The following ACSBG1 variants were observed in gnomAD, a reference collection of about 807,000 sequenced individuals.
The protein encoded by ACSBG1 is acyl-CoA synthetase bubblegum family member 1.
In ACSBG1, 39 loss-of-function variants were observed where a neutral mutation model predicts 80.2. The ratio of observed to expected loss-of-function variants is 0.49; its 90% CI spans 0.38 to 0.64. ACSBG1 has a LOEUF of 0.64. Among genes scored for constraint, ACSBG1 ranks in the 30% least tolerant of loss-of-function variants. ACSBG1 has a pLI of 0.00. For missense variants in ACSBG1, 828 were observed against 966.4 expected, an observed-to-expected ratio of 0.86 and a Z score of 1.90; for synonymous variants, 392 against 379.5, an observed-to-expected ratio of 1.03 and a Z score of -0.38.
At chr15:78,230,676 C>A (rs539744880) in intron 1 of ACSBG1, among the ~76,000 whole-genome samples, 1 of 152,156 alleles carries the variant, frequency 6.6e-6, no homozygotes, top group Non-Finnish European at 1.5e-5. Context: ...TACAGTAAGT[C>A]GCACAAGATC....
Position 78,168,877 on chromosome 15 carries a change from T to C in ACSBG1, c.*2567A>G, listed in dbSNP as rs1005204766. 1.6e-6 allele frequency: 2 copies of C among 1,272,828 alleles called. No homozygotes were observed. The highest frequency in any genetic ancestry group is 2.3e-6 in the Non-Finnish European group (2 of 878,338). The allele number at this position is 1,272,828 out of a possible 1,614,324, so 78.8% of individuals were successfully genotyped here. On this transcript the variant is annotated 3_prime_UTR_variant, in exon 14 of 14. Transcript: ENST00000258873. Reference sequence around the variant, plus strand: ...GCTTTAAAATCTCCTTGGTTTAGTTTAGTTTGCGGATACATCTTTTATTTT... The same window carrying C: ...GCTTTAAAATCTCCTTGGTTTAGTTCAGTTTGCGGATACATCTTTTATTTT...
intron 1 of ACSBG1, chr15:78,209,124 C>T (rs1184049043): frequency 2.2e-6 from 1 of 455,814 alleles, no homozygotes; most frequent in South Asian, 1.5e-5. Flanking sequence ...TGCCCAGTTC[C>T]CAGGAAGCCG....
intron 1 of ACSBG1, among the ~76,000 whole-genome samples, chr15:78,210,082 T>C (rs1053417015): frequency 1.3e-5 from 2 of 152,212 alleles, no homozygotes; most frequent in Non-Finnish European, 2.9e-5. Flanking sequence ...ATGAGGCTGT[T>C]GGCAGCACCT....
In ACSBG1 at chr15:78,182,441, C is replaced by T. The variant is rs200340104; in HGVS notation, c.894+25G>A. ...CACCCATAACCCCCTTGCACCCCCCCCACCCCACCGGGCATCTGTCCTACA... is the reference window on the plus strand; with the variant it reads ...CACCCATAACCCCCTTGCACCCCCCTCACCCCACCGGGCATCTGTCCTACA... On this transcript the variant is annotated intron_variant, in intron 7 of 13. Transcript: ENST00000258873. The T allele has an allele frequency of 1.5e-4, 234 of 1,612,322 alleles. 1 individual carries two copies. In the African/African-American group the frequency reaches 2.4e-3, roughly 17 times the overall value.
intron 1 of ACSBG1, among the ~76,000 whole-genome samples, chr15:78,232,668 A>T (rs1451213031): frequency 6.7e-6 from 1 of 148,956 alleles, no homozygotes. Flanking sequence ...TGCTCTGGGC[A>T]CATTTATTTC....
intron 1 of ACSBG1, among the ~76,000 whole-genome samples, chr15:78,228,080 A>G (rs1194934169): frequency 2.5e-4 from 38 of 152,222 alleles, no homozygotes; most frequent in Non-Finnish European, 2.9e-5. Context: ...TTCTTATTTT[A>G]CAGCTGCTCG....
intron 1 of ACSBG1, among the ~76,000 whole-genome samples, chr15:78,225,785 A>C (rs1180702416): frequency 6.6e-6 from 1 of 152,230 alleles, no homozygotes; most frequent in Non-Finnish European, 1.5e-5. Flanking sequence ...TAAAAAAAAC[A>C]AACACTATCT....
intron 1 of ACSBG1, among the ~76,000 whole-genome samples, 174 bp downstream of exon 1, chr15:78,234,197 C>T (rs1462333450): frequency 1.3e-5 from 2 of 152,184 alleles, no homozygotes; most frequent in Non-Finnish European, 2.9e-5. Context: ...GCTAAGTAGC[C>T]CTCCAAATGA....
chr15:78,221,383 A>G (rs1023249803), intron 1 of ACSBG1, among the ~76,000 whole-genome samples: 2 of 152,208 alleles, frequency 1.3e-5, no homozygotes, highest in Admixed American at 6.5e-5. Flanking sequence ...ACGTGCACGT[A>G]GGCTAGATTT....
intron 1 of ACSBG1, among the ~76,000 whole-genome samples, chr15:78,233,677 C>T (rs2075468161): frequency 6.6e-6 from 1 of 152,172 alleles, no homozygotes; most frequent in Admixed American, 6.5e-5. Context: ...ATGTTGGGGT[C>T]CTGGAGTTCC....
At chr15:78,220,667 A>G (rs1266363412) in intron 1 of ACSBG1, among the ~76,000 whole-genome samples, 1 of 152,284 alleles carries the variant, frequency 6.6e-6, no homozygotes, top group Non-Finnish European at 1.5e-5. Flanking sequence ...GGATTTGAAT[A>G]GACATTTCTC....
intron 1 of ACSBG1, among the ~76,000 whole-genome samples, chr15:78,228,331 A>G (rs2075420414): frequency 1.3e-5 from 2 of 152,192 alleles, no homozygotes; most frequent in Admixed American, 1.3e-4. Context: ...GCGGAGCTGA[A>G]GAGGTAAGTA....
At chr15:78,204,395 A>G (rs1362795037) in intron 2 of ACSBG1, among the ~76,000 whole-genome samples, 1 of 152,144 alleles carries the variant, frequency 6.6e-6, no homozygotes, top group Non-Finnish European at 1.5e-5. Context: ...CATCCACTGG[A>G]GAGAAGCCGG....
intron 2 of ACSBG1, among the ~76,000 whole-genome samples, chr15:78,197,750 G>A (rs1444435467): frequency 7.7e-6 from 1 of 129,544 alleles, no homozygotes; most frequent in African/African-American, 2.8e-5. Flanking sequence ...AAAATAGAAT[G>A]TTGACCCCCC....
intron 5 of ACSBG1, among the ~76,000 whole-genome samples, chr15:78,191,355 G>A (rs370744316): frequency 6.6e-6 from 1 of 152,108 alleles, no homozygotes; most frequent in African/African-American, 2.4e-5. Context: ...AGAGCAAGAA[G>A]ACAGAAAATC....
rs1191161206 is a variant in ACSBG1, at chr15:78,197,260, G to A, written c.233-2534C>T. On this transcript the variant is annotated intron_variant, in intron 2 of 13. Transcript: ENST00000258873. ...CTGGAGGTGGGAGTGGGGAGTGACC[G>A]TGGAATAGGCACAAGAGATCTTTTT... Among the ~76,000 whole-genome samples, 12 of 152,064 alleles carry A rather than the reference G, an allele frequency of 7.9e-5. No individual in the cohort carries two copies. The East Asian group carries it at 2.1e-3, about 27-fold the overall frequency.
At chr15:78,211,768 G>A (rs2075269252) in intron 1 of ACSBG1, among the ~76,000 whole-genome samples, 1 of 152,086 alleles carries the variant, frequency 6.6e-6, no homozygotes, top group African/African-American at 2.4e-5. Context: ...GGAGCTGATG[G>A]GAACCATTTG....
In ACSBG1 at chr15:78,180,877, C is replaced by T. The variant is rs776444526; in HGVS notation, c.1131G>A (p.Arg377=). The change falls in exon 9 of 14, where the codon CGG becomes CGA. Residue 377 remains arginine (R), a synonymous_variant. Transcript: ENST00000258873. The part of the protein sequence containing the change: ...VEPTSHMGVP[R]VWEKIMERIQ... ...TGCGCTCCATGATCTTCTCCCATAC[C>T]CGGGGCACCCCCATGTGTGATGTGG... 6.2e-7 allele frequency: 1 copy of T among 1,614,230 alleles called. No homozygotes were observed. Among genetic ancestry groups the T allele is most frequent in the Non-Finnish European group, 8.5e-7 (1 of 1,180,038 alleles).
chr15:78,211,366 C>A (rs74394286), intron 1 of ACSBG1, among the ~76,000 whole-genome samples: 1 of 152,224 alleles, frequency 6.6e-6, no homozygotes, highest in African/African-American at 2.4e-5. Context: ...TGGCGGAAGT[C>A]ACCTAACATG....
Sources: gnomAD v4.1 joint callset for allele counts (sites outside exome capture counted in the v4.1 genomes callset) on GRCh38, gnomAD v4.1.1 for gene constraint, MANE v1.5 for transcripts, NCBI Gene and HGNC (gene_info 2026-07-23, HGNC 2026-07-21) for gene names.